Variants in PDE1C observed in about 807,000 individuals in gnomAD.
PDE1C encodes the protein dual specificity calcium/calmodulin-dependent 3',5'-cyclic nucleotide phosphodiesterase 1C.
A neutral mutation model predicts 93.1 loss-of-function variants in PDE1C; 62 were observed. The observed-to-expected ratio is 0.67, with a 90% CI of 0.54 to 0.82. The LOEUF is 0.82. Ranked by LOEUF, PDE1C falls within the 40% of genes least tolerant of loss-of-function variation. The pLI is 0.00. For synonymous variants in PDE1C, 325 were observed against 310.1 expected, an observed-to-expected ratio of 1.05 and a Z score of -0.50; for missense variants, 742 against 884.6, an observed-to-expected ratio of 0.84 and a Z score of 2.04.
At chr7:31,736,362 A>G in the PDE1C span, among the ~76,000 whole-genome samples, 1 of 152,168 alleles carries the variant, frequency 6.6e-6, no homozygotes, top group African/African-American at 2.4e-5. Context: ...ACAAGGACAC[A>G]TTCTTCCCTA....
chr7:31,670,756 C>T, the PDE1C span, among the ~76,000 whole-genome samples: 2 of 152,082 alleles, frequency 1.3e-5, no homozygotes, highest in Non-Finnish European at 1.5e-5. Flanking sequence ...AAAGTGAGAA[C>T]ATAACATTCC....
intron 2 of PDE1C, among the ~76,000 whole-genome samples, chr7:32,001,995 G>T (rs542923533): frequency 3.5e-4 from 53 of 152,234 alleles, no homozygotes; most frequent in African/African-American, 1.3e-3. Flanking sequence ...GGAGGTGGAG[G>T]TTGCAGTGAG....
chr7:31,839,791 C>T (rs566910250), intron 9 of PDE1C, among the ~76,000 whole-genome samples: 3 of 152,320 alleles, frequency 2.0e-5, no homozygotes, highest in African/African-American at 7.2e-5. Context: ...AATCCCAACA[C>T]TTTGGGAGGC....
chr7:32,139,790 AGGTT>A (rs1378965812), intron 3 of PDE1C, among the ~76,000 whole-genome samples: 5 of 152,188 alleles, frequency 3.3e-5, no homozygotes, highest in Admixed American at 1.3e-4. Context: ...TTTTGAAAAT[AGGTT>A]CCTCCTCCTT....
chr7:32,367,281 G>T (rs988984010), intron 1 of PDE1C, among the ~76,000 whole-genome samples: 20 of 152,030 alleles, frequency 1.3e-4, no homozygotes, highest in African/African-American at 4.8e-4. Flanking sequence ...GAAAGAGCAA[G>T]GAATCAAATC....
intron 1 of PDE1C, among the ~76,000 whole-genome samples, chr7:32,374,246 GA>G (rs1403214796): frequency 1.2e-3 from 119 of 97,170 alleles, no homozygotes; most frequent in Admixed American, 1.1e-3. Flanking sequence ...AAGAAGGAAG[GA>G]AAGGAAAGGA....
At chr7:32,403,378 C>A (rs1039366473) in intron 1 of PDE1C, among the ~76,000 whole-genome samples, 1 of 152,192 alleles carries the variant, frequency 6.6e-6, no homozygotes, top group African/African-American at 2.4e-5. Flanking sequence ...TTGTCCTTTT[C>A]TGAGTCCTAA....
chr7:31,934,294 C>A (rs1804721338), intron 2 of PDE1C, among the ~76,000 whole-genome samples: 1 of 152,128 alleles, frequency 6.6e-6, no homozygotes, highest in Non-Finnish European at 1.5e-5. Flanking sequence ...AAAAATGATT[C>A]AGTTTTTTAA....
intron 5 of PDE1C, among the ~76,000 whole-genome samples, chr7:31,875,229 C>G (rs1344455350): frequency 6.6e-6 from 1 of 152,102 alleles, no homozygotes; most frequent in African/African-American, 2.4e-5. Context: ...AATTTTTAAT[C>G]CTAGTGTCCA....
intron 1 of PDE1C, among the ~76,000 whole-genome samples, chr7:32,413,019 T>C (rs1331293049): frequency 6.6e-6 from 1 of 152,124 alleles, no homozygotes; most frequent in African/African-American, 2.4e-5. Flanking sequence ...TGTACCTTGA[T>C]AGGGGTTTGG....
chr7:32,342,830 C>T (rs945931962), intron 1 of PDE1C, among the ~76,000 whole-genome samples: 8 of 152,072 alleles, frequency 5.3e-5, no homozygotes, highest in Admixed American at 1.3e-4. Flanking sequence ...TACTAAAAAC[C>T]CCAAAGTATT....
chr7:32,267,684 C>G (rs1810704771), intron 1 of PDE1C, among the ~76,000 whole-genome samples: 1 of 151,422 alleles, frequency 6.6e-6, no homozygotes, highest in Admixed American at 6.6e-5. Flanking sequence ...CTCTAGCACC[C>G]CTGGCAGTGA....
rs757982405 is a variant in PDE1C at position 32,397,858 on chromosome 7, C to CA, written c.310+29963dup. Among the ~76,000 whole-genome samples the CA allele has an allele frequency of 1.1e-3, 150 of 135,372 alleles. 1 individual carries two copies. The highest frequency in any genetic ancestry group is 2.7e-3 in the Admixed American group (35 of 13,190). The allele number at this position is 135,372 out of a possible 152,430, so 88.8% of individuals were successfully genotyped here. A position where few individuals can be genotyped will look rare whatever the true frequency, so the allele number is the denominator to read the frequency against. ...TGAAACCTCATCTCTACTAAAGATA[C>CA]AAAAAAAAAAAATTAGCCGGGCATG... On this transcript the variant is annotated intron_variant, in intron 1 of 1. Coordinates refer to the PDE1C transcript ENST00000672256.
the PDE1C span, chr7:31,707,699 G>A: frequency 6.0e-6 from 1 of 167,488 alleles, no homozygotes; most frequent in Non-Finnish European, 1.3e-5. Context: ...GGGGTTCCCT[G>A]TTGCCAGTTA....
At chr7:32,350,554 A>T (rs77638121) in intron 1 of PDE1C, among the ~76,000 whole-genome samples, 554 of 1,520 alleles carry the variant, frequency 0.36, 144 homozygotes, top group Non-Finnish European at 0.7. Flanking sequence ...ACTAATATAT[A>T]TATATATATA....
In PDE1C at chr7:31,816,048, T is replaced by G. The variant is rs1208501621; in HGVS notation, c.1689A>C (p.Lys563Asn). 2 of 1,614,030 alleles carry G rather than the reference T, an allele frequency of 1.2e-6. No individual in the cohort carries two copies. The highest frequency in any genetic ancestry group is 1.7e-6 in the Non-Finnish European group (2 of 1,179,934). Residue 563 changes from lysine to asparagine, a missense_variant, in exon 15 of 18, where the codon AAA (lysine) becomes AAC (asparagine). Around this residue, in one of 4 missense-constraint regions of PDE1C, gnomAD observed 454 missense variants for 459.4 expected, o/e 0.99. Transcript: ENST00000396191. ...KSQAEEGASG[K>N]AEKKTSGETK... is the part of the protein sequence containing the mutation. ...TTTCTCCAGACGTCTTTTTCTCAGC[T>G]TTGCCAGATGCGCCTTCTTCAGCCT... is the stretch of plus-strand genomic sequence containing the variant.
intron 1 of PDE1C, among the ~76,000 whole-genome samples, chr7:32,372,775 G>C (rs1263777821): frequency 6.6e-6 from 1 of 152,068 alleles, no homozygotes; most frequent in Non-Finnish European, 1.5e-5. Flanking sequence ...AAAAAGACAA[G>C]TAGCCCAATT....
At chr7:31,914,752 A>T (rs1166176357) in intron 2 of PDE1C, among the ~76,000 whole-genome samples, 1 of 152,194 alleles carries the variant, frequency 6.6e-6, no homozygotes, top group Non-Finnish European at 1.5e-5. Flanking sequence ...TTTTTCTTCT[A>T]TTTTAAATGC....
At position 32,070,384 on chromosome 7, in the gene PDE1C, G is replaced by C; in HGVS notation, c.10C>G (p.Pro4Ala). The change falls in exon 1 of 18, where the codon CCA becomes GCA. Residue 4 changes from proline to alanine, a missense_variant. Physicochemically the swap from Pro to Ala is conservative, Grantham distance 27 (BLOSUM62 -1). Coordinates refer to ENST00000396191, the MANE Select transcript of PDE1C (RefSeq NM_001191057.4). The part of the protein sequence containing the change: MES[P>A]TKEIEEFESN... ...TCAAATTCTTCAATCTCCTTGGTTG[G>C]CGACTCCATAGCTGCAGGTAGGTGA... 1 of 1,614,168 alleles carries C rather than the reference G, an allele frequency of 6.2e-7. No homozygotes were observed. The highest frequency in any genetic ancestry group is 8.5e-7 in the Non-Finnish European group (1 of 1,180,024).
Sources: gnomAD v4.1 joint callset for allele counts (sites outside exome capture counted in the v4.1 genomes callset) on GRCh38, gnomAD v4.1.1 for gene constraint, gnomAD v4.1.1 regional missense constraint, MANE v1.5 for transcripts, NCBI Gene and HGNC (gene_info 2026-07-23, HGNC 2026-07-21) for gene names.